The following MED13 variants were observed in gnomAD, a reference collection of about 807,000 sequenced individuals.
The protein encoded by MED13 is mediator of RNA polymerase II transcription subunit 13.
Under a neutral mutation model 225.2 loss-of-function variants are expected in MED13, and 23 were observed. That is an observed-to-expected ratio of 0.10 (90% CI 0.07 to 0.14). The LOEUF (loss-of-function observed/expected upper bound fraction) is 0.14, where lower values mean the gene tolerates loss of function less well. MED13 is among the 10% of genes least tolerant of loss of function. MED13 has a pLI of 1.00. For missense variants in MED13, 2,197 were observed against 2,594.5 expected (o/e 0.85, Z 3.33); for synonymous variants, 942 against 889.2 (o/e 1.06, Z -1.06).
intron 9 of MED13, chr17:62,005,629 CA>C (rs1275305711): frequency 6.6e-6 from 1 of 152,114 alleles, no homozygotes; most frequent in Non-Finnish European, 1.5e-5. Flanking sequence ...TAAAATAAAA[CA>C]AAATAAAATC....
intron 8 of MED13, among the ~76,000 whole-genome samples, chr17:62,025,146 T>A (rs901431044): frequency 2.0e-5 from 3 of 152,358 alleles, no homozygotes; most frequent in African/African-American, 7.2e-5. Flanking sequence ...AAACTTTTTC[T>A]GTAGTGAACC....
In MED13 at chr17:62,065,156, C is replaced by A. The variant is rs1486164764; in HGVS notation, c.50G>T (p.Cys17Phe). 4 of 1,580,990 alleles carry A rather than the reference C, an allele frequency of 2.5e-6. No individual in the cohort carries two copies. The highest frequency in any genetic ancestry group is 3.4e-6 in the Non-Finnish European group (4 of 1,165,318). The change falls in exon 1 of 30, where the codon TGT (cysteine) becomes TTT (phenylalanine). Residue 17 changes from cysteine to phenylalanine, a missense_variant. Physicochemically the swap from Cys to Phe is radical, Grantham distance 205. Coordinates refer to ENST00000397786, the MANE Select transcript of MED13 (RefSeq NM_005121.3). ...GGCACTCACCAGGCAGAAGAGGTTA[C>A]AGTGACAATCTTCCAGGCTGGCCCC... is the stretch of plus-strand genomic sequence containing the variant. Reference protein sequence around the residue: ...PNGASLEDCHCNLFCLADLTG... With the variant: ...PNGASLEDCHFNLFCLADLTG...
At chr17:61,993,092 G>A (rs1211789870) in intron 10 of MED13, among the ~76,000 whole-genome samples, 1 of 151,608 alleles carries the variant, frequency 6.6e-6, no homozygotes, top group Non-Finnish European at 1.5e-5. Flanking sequence ...ATAGACAAAA[G>A]TAGAGACTCT....
chr17:62,038,146 G>C lies in MED13; in HGVS notation c.471-2538C>G, dbSNP rs190887778. On this transcript the variant is annotated intron_variant, in intron 3 of 29. Transcript: ENST00000397786. The stretch of plus-strand genomic sequence containing the variant: ...ACAGCCAGTCATGCCTGTTATCTCA[G>C]CACTTGGGAGGCTGAGGCAAGAGGA... 3.0e-3 allele frequency among the ~76,000 whole-genome samples: 455 copies of C among 152,132 alleles called. 2 individuals carry two copies. Among genetic ancestry groups the C allele is most frequent in the African/African-American group, 0.011 (437 of 41,512 alleles).
chr17:62,049,800 G>A (rs1037196241), intron 3 of MED13, among the ~76,000 whole-genome samples: 2 of 151,622 alleles, frequency 1.3e-5, no homozygotes, highest in African/African-American at 2.4e-5. Context: ...CGTGGTGGCG[G>A]GCACCTGTAG....
chr17:62,034,668 T>C (rs2080787124), intron 4 of MED13, among the ~76,000 whole-genome samples: 1 of 152,186 alleles, frequency 6.6e-6, no homozygotes, highest in African/African-American at 2.4e-5. Context: ...TACTGCCATG[T>C]AAACTTTAAA....
rs2079944787 is a variant in MED13, at chr17:61,956,436, T to C, written c.5526A>G (p.Lys1842=). 1 of 1,613,228 alleles carries C rather than the reference T, an allele frequency of 6.2e-7. No homozygotes were observed. The highest frequency in any genetic ancestry group is 8.5e-7 in the Non-Finnish European group (1 of 1,179,658). The part of the protein sequence containing the change: ...KSSARKFGLQ[K]LWEWCLGLVQ... ...CAAGTCCTAAGCACCACTCCCAAAG[T>C]TTCTGTAGACCAAATTTTCTAGCAG... The change falls in exon 24 of 30, where the codon AAA becomes AAG. Residue 1842 remains lysine, a synonymous_variant. Coordinates refer to ENST00000397786, the MANE Select transcript of MED13 (RefSeq NM_005121.3).
intron 8 of MED13, among the ~76,000 whole-genome samples, chr17:62,015,140 C>A (rs1020769134): frequency 6.6e-6 from 1 of 152,098 alleles, no homozygotes; most frequent in Non-Finnish European, 1.5e-5. Flanking sequence ...TTGTTTGAAT[C>A]CTAGTCAAAT....
At chr17:62,034,222 C>T (rs1377444049) in intron 4 of MED13, among the ~76,000 whole-genome samples, 3 of 152,090 alleles carry the variant, frequency 2.0e-5, no homozygotes, top group Non-Finnish European at 4.4e-5. Flanking sequence ...TAGTGGTTCA[C>T]GCCTGTAATC....
chr17:62,010,414 G>A lies in MED13; in HGVS notation c.1967+136C>T, dbSNP rs555544791. The A allele has an allele frequency of 2.1e-5, 11 of 535,416 alleles. No individual in the cohort carries two copies. The South Asian group carries it at 7.9e-4, about 38-fold the overall frequency. 33.2% of individuals were successfully genotyped at this position (535,416 alleles called of 1,614,324 possible). ...TCCCTGAGGAAAAAACACAGTAAAG[G>A]AATAATGCAAAGTTAATACTCAATG... On this transcript the variant is annotated intron_variant, in intron 9 of 29. Coordinates refer to ENST00000397786, the MANE Select transcript of MED13 (RefSeq NM_005121.3).
chr17:62,023,105 T>C (rs2080665418), intron 8 of MED13, among the ~76,000 whole-genome samples: 1 of 152,142 alleles, frequency 6.6e-6, no homozygotes, highest in Non-Finnish European at 1.5e-5. Context: ...GGAGAGTGAG[T>C]AGGCTTGGGG....
Position 61,955,529 on chromosome 17 carries a change from T to C in MED13, c.5821A>G (p.Thr1941Ala). 6.3e-7 allele frequency: 1 copy of C among 1,575,604 alleles called. No homozygotes were observed. Among genetic ancestry groups the C allele is most frequent in the South Asian group, 1.2e-5 (1 of 83,764 alleles). Residue 1941 changes from threonine to alanine, a missense_variant, in exon 26 of 30, where the codon ACT (threonine) becomes GCT (alanine). Coordinates refer to ENST00000397786, the MANE Select transcript of MED13 (RefSeq NM_005121.3). ...AGCTGAGATGTCTGCATATTTAGAG[T>C]CGTGCTTCTTCCAAATACAGAACCA... ...STGSVFGRSTTLNMQTSQLNT... is the reference protein window; with the variant it reads ...STGSVFGRSTALNMQTSQLNT...
intron 2 of MED13, 68 bp from the exon 3 acceptor site, chr17:62,052,773 G>A: frequency 8.1e-7 from 1 of 1,236,202 alleles, no homozygotes; most frequent in East Asian, 2.5e-5. Context: ...AGTAAAAAAG[G>A]TTACAGTTTA....
chr17:61,948,005 A>C (rs1396009193), intron 28 of MED13, among the ~76,000 whole-genome samples: 1 of 152,234 alleles, frequency 6.6e-6, no homozygotes, highest in Non-Finnish European at 1.5e-5. Flanking sequence ...AAAAATAGCT[A>C]TGTTTCAACT....
intron 8 of MED13, among the ~76,000 whole-genome samples, chr17:62,018,126 T>G (rs1412271587): frequency 1.3e-5 from 2 of 152,200 alleles, no homozygotes. Flanking sequence ...CTGCAATATT[T>G]AGAATTTTGG....
chr17:62,015,215 G>A lies in MED13; in HGVS notation c.1284-3982C>T, dbSNP rs185177113. 3.3e-3 allele frequency among the ~76,000 whole-genome samples: 495 copies of A among 152,182 alleles called. 1 individual carries two copies. The highest frequency in any genetic ancestry group is 8.7e-3 in the East Asian group (45 of 5,180). On this transcript the variant is annotated intron_variant, in intron 8 of 29. Transcript: ENST00000397786. ...AAGGTATCATAATATTAGGTATGAC[G>A]GTAGAATTATATTCATGTAAGAAGA...
intron 8 of MED13, among the ~76,000 whole-genome samples, chr17:62,017,763 G>C (rs537329894): frequency 2.0e-5 from 3 of 152,268 alleles, no homozygotes; most frequent in African/African-American, 7.2e-5. Context: ...CATGAAGACA[G>C]CAAAAATAAT....
intron 16 of MED13, among the ~76,000 whole-genome samples, chr17:61,979,717 C>T (rs772728360): frequency 3.3e-5 from 5 of 152,126 alleles, no homozygotes; most frequent in Non-Finnish European, 7.4e-5. Context: ...CAGCAAAAGT[C>T]CCCAGAAAAT....
At chr17:62,011,337 C>T in intron 8 of MED13, 104 bp from the exon 9 acceptor site, 1 of 942,054 alleles carries the variant, frequency 1.1e-6, no homozygotes, top group Non-Finnish European at 1.5e-6. Flanking sequence ...TTCTTTTTCA[C>T]ATGTAATACT....
Sources: gnomAD v4.1 joint callset for allele counts (sites outside exome capture counted in the v4.1 genomes callset) on GRCh38, gnomAD v4.1.1 for gene constraint, MANE v1.5 for transcripts, NCBI Gene and HGNC (gene_info 2026-07-23, HGNC 2026-07-21) for gene names.